The following RPGR variants were observed in gnomAD, a reference collection of about 807,000 sequenced individuals.
The protein encoded by RPGR is retinitis pigmentosa GTPase regulator.
RPGR carries 10 observed loss-of-function variants against 56.3 expected under a neutral mutation model. The ratio of observed to expected loss-of-function variants is 0.18; its 90% CI spans 0.11 to 0.30. The LOEUF (loss-of-function observed/expected upper bound fraction) is 0.30, where lower values mean the gene tolerates loss of function less well. Ranked by LOEUF, RPGR falls within the 10% of genes least tolerant of loss-of-function variation. RPGR has a pLI of 1.00. For synonymous variants in RPGR, 197 were observed against 212.9 expected, an observed-to-expected ratio of 0.93 and a Z score of 0.65; for missense variants, 538 against 590.9, an observed-to-expected ratio of 0.91 and a Z score of 0.93.
chrX:38,275,211 T>C (rs2066913627), intron 16 of RPGR: 6 of 950,186 alleles, frequency 6.3e-6, no homozygotes, highest in Non-Finnish European at 9.0e-6. Context: ...AACTTAAGTC[T>C]GAATCTTTAA....
At chrX:38,327,231 G>A in intron 1 of RPGR, 109 bp downstream of exon 1, 1 of 812,237 alleles carries the variant, frequency 1.2e-6, no homozygotes, top group Non-Finnish European at 1.7e-6. Flanking sequence ...CCCCAGTCCG[G>A]CTGCCAAGCC....
chrX:38,284,649 T>C (rs1222081945), intron 15 of RPGR: 2 of 726,597 alleles, frequency 2.8e-6, no homozygotes, highest in Non-Finnish European at 3.3e-6. Flanking sequence ...GAAAACTAAA[T>C]TAATTTTAAA....
intron 18 of RPGR, among the ~76,000 whole-genome samples, chrX:38,271,812 G>A (rs1477999805): frequency 8.9e-6 from 1 of 112,139 alleles, no homozygotes; most frequent in Non-Finnish European, 1.9e-5. Context: ...TAGCAAGTCA[G>A]CCAAAGCAAC....
rs749799824 is a variant in RPGR, at chrX:38,286,353, TTCC to T, written c.1905+738_1905+740del. 12 of 639,235 alleles carry T rather than the reference TTCC, an allele frequency of 1.9e-5. No homozygotes were observed. The highest frequency in any genetic ancestry group is 1.8e-4 in the South Asian group (6 of 33,625). The allele number at this position is 639,235 out of a possible 1,213,427, so 52.7% of individuals were successfully genotyped here. A position where few individuals can be genotyped will look rare whatever the true frequency, so the allele number is the denominator to read the frequency against. ...CTTCCTCTTCTCCCTCCCCTTCTCCTTCCTCCTCTTCCCCCTCCCCTTCTCCTT... is the reference window on the plus strand; with the variant it reads ...CTTCCTCTTCTCCCTCCCCTTCTCCTTCCTCTTCCCCCTCCCCTTCTCCTT... On this transcript the variant is annotated intron_variant, in intron 15 of 18. Transcript: ENST00000642395.
In RPGR at chrX:38,301,401, T is replaced by C. The variant is rs187850870; in HGVS notation, c.935-30A>G. The C allele has an allele frequency of 3.5e-4, 403 of 1,146,707 alleles. 2 individuals are homozygous for C. In the African/African-American group the frequency reaches 6.7e-3, roughly 19 times the overall value. The allele number at this position is 1,146,707 out of a possible 1,213,427, so 94.5% of individuals were successfully genotyped here. A position where few individuals can be genotyped will look rare whatever the true frequency, so the allele number is the denominator to read the frequency against. ...AATGCAAAAATAATGAAGAGAATTA[T>C]AAAAGTGTTACTTGTATGGATCTAT... is the stretch of plus-strand genomic sequence containing the variant. On this transcript the variant is annotated intron_variant, in intron 8 of 18. Coordinates refer to ENST00000642395, the MANE Select transcript of RPGR (RefSeq NM_000328.3).
At chrX:38,302,185 A>G (rs2067513752) in intron 8 of RPGR, among the ~76,000 whole-genome samples, 1 of 110,898 alleles carries the variant, frequency 9.0e-6, no homozygotes, top group African/African-American at 3.3e-5. Flanking sequence ...GAACCTTCAC[A>G]CTCCTTTCTT....
At position 38,276,762 on chromosome X, in the gene RPGR, A is replaced by T. The variant is rs748251204; in HGVS notation, c.1916T>A (p.Phe639Tyr). Residue 639 changes from phenylalanine (F) to tyrosine (Y), a missense_variant, in exon 16 of 19, where the codon TTT becomes TAT. Coordinates refer to ENST00000642395, the MANE Select transcript of RPGR (RefSeq NM_000328.3). ...TAGTTTTAGTTCCTCAGTTTTAGAAAATTCATGATCCTGTGACAAAATTGA... is the reference window on the plus strand; with the variant it reads ...TAGTTTTAGTTCCTCAGTTTTAGAATATTCATGATCCTGTGACAAAATTGA... 8.3e-7 allele frequency: 1 copy of T among 1,207,190 alleles called. No individual in the cohort carries two copies. Among genetic ancestry groups the T allele is most frequent in the Non-Finnish European group, 1.1e-6 (1 of 891,900 alleles).
At chrX:38,310,816 G>A in intron 6 of RPGR, 43 bp from the exon 7 acceptor site, 1 of 1,172,428 alleles carries the variant, frequency 8.5e-7, no homozygotes. Context: ...ACATACATAT[G>A]AACAAAAAGC....
rs2068068948 is a variant in RPGR at position 38,327,327 on chromosome X, G to T, written c.28+13C>A. On this transcript the variant is annotated intron_variant, in intron 1 of 18. Coordinates refer to ENST00000642395, the MANE Select transcript of RPGR (RefSeq NM_000328.3). ...CCTCCCGGCCTTCCGCCACCGGCGCGGGCGCAACTCACCGGGCATCAGCTC... is the reference window on the plus strand; with the variant it reads ...CCTCCCGGCCTTCCGCCACCGGCGCTGGCGCAACTCACCGGGCATCAGCTC... 8.4e-7 allele frequency: 1 copy of T among 1,185,290 alleles called. No homozygotes were observed.
intron 17 of RPGR, chrX:38,274,992 A>G: frequency 1.5e-6 from 1 of 685,838 alleles, no homozygotes. Flanking sequence ...ATGTAAACTT[A>G]TATGTAAGCT....
chrX:38,285,859 T>A, intron 15 of RPGR: 1 of 1,204,302 alleles, frequency 8.3e-7, no homozygotes, highest in South Asian at 1.8e-5. Context: ...CCCCTCCTTT[T>A]CCCTTTCTTC....
At chrX:38,295,493 G>A (rs1021150005) in intron 11 of RPGR, among the ~76,000 whole-genome samples, 9 of 112,200 alleles carry the variant, frequency 8.0e-5, no homozygotes, top group African/African-American at 2.9e-4. Flanking sequence ...TCAAATCTCT[G>A]GGACTGAGAA....
Position 38,269,544 on chromosome X carries a change from A to G in RPGR, c.*82T>C, listed in dbSNP as rs2066792422. On this transcript the variant is annotated 3_prime_UTR_variant, in exon 19 of 19. Coordinates refer to ENST00000642395, the MANE Select transcript of RPGR (RefSeq NM_000328.3). Reference sequence around the variant, plus strand: ...CTTATATCTTTTAAAGACTACTATCAGAAACTTTACTTCATAAGTTATAAC... The same window carrying G: ...CTTATATCTTTTAAAGACTACTATCGGAAACTTTACTTCATAAGTTATAAC... 2.8e-6 allele frequency: 2 copies of G among 716,967 alleles called. No individual in the cohort carries two copies. Among genetic ancestry groups the G allele is most frequent in the African/African-American group, 2.2e-5 (1 of 45,533 alleles). The allele number at this position is 716,967 out of a possible 1,213,427, so 59.1% of individuals were successfully genotyped here.
chrX:38,286,072 T>TCCTCCTCTTCCC, intron 15 of RPGR: 1 of 448,025 alleles, frequency 2.2e-6, no homozygotes, highest in Non-Finnish European at 3.1e-6. Context: ...CCCTTCTCCT[T>TCCTCCTCTTCCC]CCTCCCCTTC....
chrX:38,282,491 A>T (rs1181661754), intron 15 of RPGR, among the ~76,000 whole-genome samples: 4 of 111,749 alleles, frequency 3.6e-5, no homozygotes, highest in Non-Finnish European at 5.6e-5. Context: ...GATACTCAGC[A>T]GTCTCCGTGA....
Position 38,287,800 on chromosome X carries a change from T to C in RPGR, c.1753+61A>G, listed in dbSNP as rs766818736. On this transcript the variant is annotated intron_variant, in intron 14 of 18. Coordinates refer to ENST00000642395, the MANE Select transcript of RPGR (RefSeq NM_000328.3). ...ATTATTATTTTCATGTCTATATACC[T>C]CTTTTTGTAAACCCTCTCCATCAGT... 3.9e-6 allele frequency: 4 copies of C among 1,034,199 alleles called. No individual in the cohort carries two copies. The African/African-American group carries it at 7.5e-5, about 19-fold the overall frequency. The allele number at this position is 1,034,199 out of a possible 1,213,427, so 85.2% of individuals were successfully genotyped here.
chrX:38,292,638 T>C (rs185564552), intron 11 of RPGR, among the ~76,000 whole-genome samples: 3 of 112,751 alleles, frequency 2.7e-5, no homozygotes. Flanking sequence ...TTTTTTATCG[T>C]CTATATTTAA....
Position 38,327,477 on chromosome X carries a change from G to C in RPGR, c.-110C>G. ...CGACGCGGGCCGCGAAAGCCCCCAA[G>C]TTCCGCATGGCGAAACTCCGGAGAT... On this transcript the variant is annotated 5_prime_UTR_variant, in exon 1 of 19. Coordinates refer to ENST00000642395, the MANE Select transcript of RPGR (RefSeq NM_000328.3). The C allele has an allele frequency of 1.3e-6, 1 of 781,111 alleles. No homozygotes were observed. The highest frequency in any genetic ancestry group is 1.8e-6 in the Non-Finnish European group (1 of 566,930). The allele number at this position is 781,111 out of a possible 1,213,427, so 64.4% of individuals were successfully genotyped here.
intron 1 of RPGR, among the ~76,000 whole-genome samples, chrX:38,324,607 C>T (rs866342423): frequency 1.6e-4 from 17 of 108,972 alleles, no homozygotes; most frequent in Middle Eastern, 9.4e-3. Flanking sequence ...GTATAAAGAA[C>T]TTAGCCCAGA....
Sources: allele counts gnomAD v4.1 joint callset (sites outside exome capture counted in the v4.1 genomes callset), GRCh38; gene constraint gnomAD v4.1.1; transcripts MANE v1.5; gene names NCBI Gene and HGNC (gene_info 2026-07-23, HGNC 2026-07-21).